Variants in NIM1K observed in about 807,000 individuals in gnomAD.
The protein encoded by NIM1K is NIM1 serine/threonine protein kinase, also known as serine/threonine-protein kinase NIM1.
Under a neutral mutation model 37.1 loss-of-function variants are expected in NIM1K, and 35 were observed. The ratio of observed to expected loss-of-function variants is 0.94; its 90% CI spans 0.72 to 1.25. The LOEUF (loss-of-function observed/expected upper bound fraction) is 1.25. NIM1K is among the 50% of genes most tolerant of loss of function. NIM1K has a pLI of 0.00. For missense variants in NIM1K, 564 were observed against 548.0 expected (o/e 1.03, Z -0.29); for synonymous variants, 234 against 206.6 (o/e 1.13, Z -1.14).
chr5:43,243,664 T>TTTTG (rs1306109351), intron 1 of NIM1K, among the ~76,000 whole-genome samples: 11 of 152,100 alleles, frequency 7.2e-5, no homozygotes, highest in African/African-American at 2.4e-4. Flanking sequence ...CCTTTACCTT[T>TTTTG]TTTGTTTGTT....
At chr5:43,277,925 G>A (rs1487948781) in intron 3 of NIM1K, among the ~76,000 whole-genome samples, 2 of 151,682 alleles carry the variant, frequency 1.3e-5, no homozygotes, top group Non-Finnish European at 1.5e-5. Context: ...GTGCCCAGTA[G>A]ATTAACACTT....
At chr5:43,244,019 A>G (rs1281449749) in intron 1 of NIM1K, among the ~76,000 whole-genome samples, 2 of 152,166 alleles carry the variant, frequency 1.3e-5, no homozygotes, top group East Asian at 3.9e-4. Context: ...CTTTCTCTCT[A>G]TCCAGAAATA....
intron 1 of NIM1K, among the ~76,000 whole-genome samples, chr5:43,220,881 T>C (rs962636785): frequency 6.6e-6 from 1 of 152,114 alleles, no homozygotes; most frequent in Admixed American, 6.6e-5. Flanking sequence ...GTAGTAAGCA[T>C]AGGGGGGACA....
chr5:43,233,806 A>C (rs1293487690), intron 1 of NIM1K, among the ~76,000 whole-genome samples: 1 of 152,228 alleles, frequency 6.6e-6, no homozygotes, highest in African/African-American at 2.4e-5. Context: ...CGTTTCCTAA[A>C]TTAGTTATTT....
At chr5:43,238,013 T>C (rs1016048579) in intron 1 of NIM1K, among the ~76,000 whole-genome samples, 6 of 151,960 alleles carry the variant, frequency 3.9e-5, no homozygotes, top group Non-Finnish European at 8.8e-5. Context: ...CTCTTCTCGA[T>C]TTTTCTTTCA....
intron 1 of NIM1K, among the ~76,000 whole-genome samples, chr5:43,202,095 C>T (rs2112204042): frequency 6.6e-6 from 1 of 152,160 alleles, no homozygotes; most frequent in Non-Finnish European, 1.5e-5. Flanking sequence ...TTGCAGCTTC[C>T]AAATTTTCTT....
At chr5:43,199,968 C>T (rs371411196) in intron 1 of NIM1K, among the ~76,000 whole-genome samples, 17 of 151,550 alleles carry the variant, frequency 1.1e-4, no homozygotes, top group African/African-American at 3.9e-4. Context: ...CTCTGCCTCC[C>T]GGGTTCAAGT....
intron 2 of NIM1K, among the ~76,000 whole-genome samples, chr5:43,248,685 C>G (rs1049151810): frequency 6.6e-6 from 1 of 151,998 alleles, no homozygotes; most frequent in Admixed American, 6.5e-5. Flanking sequence ...CCAAGATCCA[C>G]AGTCAGCAAG....
At position 43,218,562 on chromosome 5, in the gene NIM1K, G is replaced by C. The variant is rs147830171; in HGVS notation, c.-695+26151G>C. On this transcript the variant is annotated intron_variant, in intron 1 of 3. Coordinates refer to ENST00000326035, the MANE Select transcript of NIM1K (RefSeq NM_153361.4). The stretch of plus-strand genomic sequence containing the variant: ...TGAAAGAGAGAGGAGGAGGTGCCAT[G>C]CTCTTTAAAACAACCAGCAATCCGT... Among the ~76,000 whole-genome samples, 788 of 152,176 alleles carry C rather than the reference G, an allele frequency of 5.2e-3. 2 individuals carry two copies. Among genetic ancestry groups the C allele is most frequent in the African/African-American group, 0.018 (757 of 41,500 alleles).
intron 2 of NIM1K, among the ~76,000 whole-genome samples, chr5:43,271,220 C>T (rs906086754): frequency 6.6e-6 from 1 of 151,900 alleles, no homozygotes; most frequent in African/African-American, 2.4e-5. Flanking sequence ...CTCACAAGAC[C>T]TTGGTGTGGC....
At chr5:43,210,262 C>T (rs565121516) in intron 1 of NIM1K, among the ~76,000 whole-genome samples, 7 of 152,084 alleles carry the variant, frequency 4.6e-5, no homozygotes, top group South Asian at 2.1e-4. Context: ...ACCATTAGAT[C>T]GTTGTGGTAA....
At chr5:43,278,068 CAG>C (rs1753379464) in intron 3 of NIM1K, among the ~76,000 whole-genome samples, 1 of 139,748 alleles carries the variant, frequency 7.2e-6, no homozygotes, top group Admixed American at 7.5e-5. Context: ...TTTTTTTAGA[CAG>C]AGTCTTCCTC....
intron 2 of NIM1K, among the ~76,000 whole-genome samples, chr5:43,250,523 A>G (rs1400822085): frequency 6.6e-6 from 1 of 152,244 alleles, no homozygotes; most frequent in Admixed American, 6.5e-5. Context: ...ATTTTAACAC[A>G]CAGCACCAAA....
rs556285498 is a variant in NIM1K, at chr5:43,267,489, C to T, written c.293-9568C>T. On this transcript the variant is annotated intron_variant, in intron 2 of 3. Coordinates refer to ENST00000326035, the MANE Select transcript of NIM1K (RefSeq NM_153361.4). ...TGGTCTTTGTTGTTTCTTTTCTTCT[C>T]TAGCTTTGGGTTCCTTTGTTCCTGT... 2.0e-5 allele frequency among the ~76,000 whole-genome samples: 3 copies of T among 152,126 alleles called. No homozygotes were observed. The South Asian group carries it at 6.2e-4, about 32-fold the overall frequency.
chr5:43,233,422 G>A (rs867206697), intron 1 of NIM1K, among the ~76,000 whole-genome samples: 2 of 151,948 alleles, frequency 1.3e-5, no homozygotes, highest in South Asian at 4.1e-4. Flanking sequence ...TGCTTATTCT[G>A]TGTGAAGGGA....
At chr5:43,260,313 G>C (rs1334995266) in intron 2 of NIM1K, among the ~76,000 whole-genome samples, 2 of 152,134 alleles carry the variant, frequency 1.3e-5, no homozygotes, top group Non-Finnish European at 2.9e-5. Context: ...CCAGCTCTCA[G>C]GGGGAATGCT....
At chr5:43,273,646 G>T (rs958039023) in intron 2 of NIM1K, among the ~76,000 whole-genome samples, 1 of 152,138 alleles carries the variant, frequency 6.6e-6, no homozygotes, top group African/African-American at 2.4e-5. Context: ...CTACTACCAG[G>T]CTGATCTGGG....
intron 2 of NIM1K, among the ~76,000 whole-genome samples, chr5:43,261,922 C>T (rs1038044823): frequency 1.6e-4 from 25 of 152,032 alleles, no homozygotes; most frequent in Admixed American, 1.2e-3. Flanking sequence ...TGGTTGTAGA[C>T]GTGTGGTATT....
At chr5:43,224,350 A>G (rs1277513380) in intron 1 of NIM1K, among the ~76,000 whole-genome samples, 1 of 151,848 alleles carries the variant, frequency 6.6e-6, no homozygotes, top group Non-Finnish European at 1.5e-5. Flanking sequence ...CTGAGGCAGG[A>G]GAATCGCTTG....
Sources: gnomAD v4.1 joint callset for allele counts (sites outside exome capture counted in the v4.1 genomes callset) on GRCh38, gnomAD v4.1.1 for gene constraint, MANE v1.5 for transcripts, NCBI Gene and HGNC (gene_info 2026-07-23, HGNC 2026-07-21) for gene names.